The following NFIA variants were observed in gnomAD, a reference collection of about 807,000 sequenced individuals.
NFIA encodes nuclear factor 1 A-type.
In NFIA, 8 loss-of-function variants were observed where a neutral mutation model predicts 62.8. The ratio of observed to expected loss-of-function variants is 0.13; its 90% confidence interval spans 0.07 to 0.23. The LOEUF is 0.23. Ranked by LOEUF, NFIA falls within the 10% of genes least tolerant of loss-of-function variation. NFIA has a pLI of 1.00. For missense variants in NFIA, 410 were observed against 642.1 expected (o/e 0.64, Z 3.91); for synonymous variants, 235 against 238.1 (o/e 0.99, Z 0.12).
intron 2 of NFIA, among the ~76,000 whole-genome samples, chr1:61,247,395 T>C (rs1655715710): frequency 6.6e-6 from 1 of 152,206 alleles, no homozygotes; most frequent in South Asian, 2.1e-4. Context: ...GTTCTTCGTA[T>C]AGGGAGCAGT....
At chr1:61,284,068 C>T (rs1216137680) in intron 3 of NFIA, among the ~76,000 whole-genome samples, 1 of 152,206 alleles carries the variant, frequency 6.6e-6, no homozygotes, top group Non-Finnish European at 1.5e-5. Context: ...TACCTAGCAA[C>T]AGTTCTTCTC....
intron 6 of NFIA, among the ~76,000 whole-genome samples, chr1:61,361,812 TGTG>T (rs1663308850): frequency 6.6e-6 from 1 of 151,568 alleles, no homozygotes; most frequent in Non-Finnish European, 1.5e-5. Context: ...TGTGTGTGTG[TGTG>T]TGTGTGTGTG....
chr1:61,355,760 T>C (rs1414500771), intron 5 of NFIA, among the ~76,000 whole-genome samples: 2 of 122,008 alleles, frequency 1.6e-5, no homozygotes, highest in African/African-American at 2.6e-5. Context: ...TAAAAAATAT[T>C]TTTTTTTGTA....
At chr1:61,438,998 G>C (rs867579933) in intron 10 of NFIA, among the ~76,000 whole-genome samples, 5 of 141,874 alleles carry the variant, frequency 3.5e-5, no homozygotes, top group Non-Finnish European at 6.1e-5. Flanking sequence ...CATGCATGCA[G>C]ACACACACAC....
intron 10 of NFIA, among the ~76,000 whole-genome samples, chr1:61,439,927 TA>T (rs1667502289): frequency 6.6e-6 from 1 of 152,232 alleles, no homozygotes. Context: ...GACATTTCAT[TA>T]AAGTTCAGCT....
intron 2 of NFIA, among the ~76,000 whole-genome samples, chr1:61,115,640 G>A (rs1294923939): frequency 6.6e-6 from 1 of 152,220 alleles, no homozygotes; most frequent in Non-Finnish European, 1.5e-5. Context: ...CATAGAGTGT[G>A]TAATGCTTCA....
intron 2 of NFIA, chr1:61,251,515 T>C (rs1656039729): frequency 6.6e-6 from 1 of 152,202 alleles, no homozygotes; most frequent in South Asian, 2.1e-4. Flanking sequence ...AACACAATTA[T>C]GTCATACATT....
intron 3 of NFIA, among the ~76,000 whole-genome samples, chr1:61,308,639 A>G (rs1040273267): frequency 2.0e-5 from 3 of 152,214 alleles, no homozygotes; most frequent in African/African-American, 7.2e-5. Context: ...TTAGGTTTAC[A>G]TCCTGGCTTT....
intron 2 of NFIA, among the ~76,000 whole-genome samples, chr1:61,194,550 A>T (rs953872661): frequency 6.6e-6 from 1 of 152,176 alleles, no homozygotes; most frequent in African/African-American, 2.4e-5. Flanking sequence ...TATAATTTCC[A>T]TGCAAACTTA....
At chr1:61,171,898 A>G (rs1355369728) in intron 2 of NFIA, among the ~76,000 whole-genome samples, 1 of 152,212 alleles carries the variant, frequency 6.6e-6, no homozygotes, top group African/African-American at 2.4e-5. Context: ...GCTGATACAA[A>G]GAGTAATTTC....
intron 3 of NFIA, among the ~76,000 whole-genome samples, chr1:61,327,043 A>G (rs985682999): frequency 4.7e-5 from 7 of 148,460 alleles, no homozygotes; most frequent in Admixed American, 4.1e-4. Context: ...AAAAATATAT[A>G]TATATGATAT....
At chr1:61,095,490 G>T (rs184317240) in intron 2 of NFIA, among the ~76,000 whole-genome samples, 1 of 152,064 alleles carries the variant, frequency 6.6e-6, no homozygotes, top group Non-Finnish European at 1.5e-5. Context: ...ATATCTTATT[G>T]TTTAGGGTTG....
At chr1:61,270,701 A>G (rs1287397562) in intron 2 of NFIA, among the ~76,000 whole-genome samples, 2 of 152,198 alleles carry the variant, frequency 1.3e-5, no homozygotes, top group African/African-American at 2.4e-5. Context: ...TTTGATTGTG[A>G]AAAAAGTGAC....
chr1:61,298,050 C>T (rs1310677309), intron 3 of NFIA, among the ~76,000 whole-genome samples: 1 of 152,082 alleles, frequency 6.6e-6, no homozygotes, highest in East Asian at 1.9e-4. Context: ...TCTGTGTCCC[C>T]ACCCAAATCT....
chr1:61,188,653 C>T (rs895353957), intron 2 of NFIA, among the ~76,000 whole-genome samples: 2 of 152,186 alleles, frequency 1.3e-5, no homozygotes, highest in African/African-American at 4.8e-5. Context: ...TTCTGTGACT[C>T]TTCTAGGGCA....
At position 61,283,598 on chromosome 1, in the gene NFIA, A is replaced by AAAAAAGAAAG. The variant is rs1362552571; in HGVS notation, c.625+6018_625+6019insGAAAGAAAAA. 4.5e-4 allele frequency among the ~76,000 whole-genome samples: 66 copies of AAAAAAGAAAG among 148,028 alleles called. 4 individuals are homozygous for AAAAAAGAAAG. Among genetic ancestry groups the AAAAAAGAAAG allele is most frequent in the Non-Finnish European group, 8.6e-4 (57 of 66,304 alleles). The stretch of plus-strand genomic sequence containing the variant: ...CTCTGTCTCAAAAAAAAAAAAAAAA[A>AAAAAAGAAAG]AAAAAAAAAAGATTTATGTGTAGGA... On this transcript the variant is annotated intron_variant, in intron 3 of 10. Transcript: ENST00000403491.
rs558139287 is a variant in NFIA at position 61,345,799 on chromosome 1, A to G, written c.701-6651A>G. Among the ~76,000 whole-genome samples, 33 of 152,300 alleles carry G rather than the reference A, an allele frequency of 2.2e-4. No homozygotes were observed. The Middle Eastern group carries it at 0.01, about 47-fold the overall frequency. On this transcript the variant is annotated intron_variant, in intron 4 of 10. Coordinates refer to ENST00000403491, the MANE Select transcript of NFIA (RefSeq NM_001134673.4). ...CTGATTCATGGCAAAATTGTTTTCT[A>G]TGAAACTGGTCTCTGGTGCCAAAAA...
chr1:61,375,508 G>A (rs1468638692), intron 6 of NFIA, among the ~76,000 whole-genome samples: 1 of 152,182 alleles, frequency 6.6e-6, no homozygotes, highest in Non-Finnish European at 1.5e-5. Context: ...TGATAGGTTT[G>A]TATTGATAAG....
chr1:61,358,086 T>C (rs1011499908), intron 5 of NFIA, among the ~76,000 whole-genome samples: 3 of 152,008 alleles, frequency 2.0e-5, no homozygotes, highest in Non-Finnish European at 4.4e-5. Context: ...TGAAAATCCC[T>C]ACCCTGATGG....
Sources: allele counts gnomAD v4.1 joint callset (sites outside exome capture counted in the v4.1 genomes callset), GRCh38; gene constraint gnomAD v4.1.1; transcripts MANE v1.5; gene names NCBI Gene and HGNC (gene_info 2026-07-23, HGNC 2026-07-21).